Variants in TSPAN1 observed in about 807,000 individuals in gnomAD.
TSPAN1 encodes tetraspanin-1.
TSPAN1 carries 23 observed loss-of-function variants against 26.9 expected under a neutral mutation model. The observed-to-expected ratio is 0.85, with a 90% confidence interval of 0.62 to 1.21. The LOEUF is 1.21. Among genes scored for constraint, TSPAN1 ranks in the 50% most tolerant of loss-of-function variants. The pLI is 0.00. For missense variants in TSPAN1, 283 were observed against 298.4 expected (o/e 0.95, Z 0.38); for synonymous variants, 115 against 114.8 (o/e 1.00, Z -0.01).
downstream of TSPAN1, chr1:46,189,424 C>T (rs1431158052): frequency 1.2e-6 from 2 of 1,613,618 alleles, no homozygotes; most frequent in South Asian, 2.2e-5. Flanking sequence ...CTCACTAGGC[C>T]TCCTGTTTCC....
At chr1:46,195,640 G>C in the TSPAN1 span, 1 of 719,516 alleles carries the variant, frequency 1.4e-6, no homozygotes. Flanking sequence ...TACAGCTGTT[G>C]CTCAATAACT....
At chr1:46,176,483 G>A (rs1557662910) in intron 1 of TSPAN1, 1 of 1,535,320 alleles carries the variant, frequency 6.5e-7, no homozygotes, top group Admixed American at 2.0e-5. Context: ...GGCACAGGGA[G>A]CTTCTGCAGT....
chr1:46,193,437 C>T, the TSPAN1 span: 1 of 1,604,868 alleles, frequency 6.2e-7, no homozygotes, highest in Non-Finnish European at 8.5e-7. Context: ...TTCCCTCTGC[C>T]CACCTCTGCA....
chr1:46,191,867 C>T, the TSPAN1 span: 1 of 512,536 alleles, frequency 2.0e-6, no homozygotes, highest in Admixed American at 2.9e-5. Context: ...ATCTCCTGAC[C>T]TTGTGATCCA....
At chr1:46,184,100 GT>G (rs898048569) in intron 3 of TSPAN1, 90 bp from the exon 4 acceptor site, 9 of 1,397,152 alleles carry the variant, frequency 6.4e-6, no homozygotes, top group African/African-American at 2.8e-5. Context: ...AAAGAGGGAA[GT>G]TTCTCGGCTC....
chr1:46,193,717 G>C, the TSPAN1 span: 2 of 1,605,852 alleles, frequency 1.2e-6, no homozygotes, highest in African/African-American at 2.7e-5. Context: ...GCTGGGCCCA[G>C]AGTCCCTATG....
chr1:46,189,885 T>A (rs1410679493), downstream of TSPAN1: 1 of 1,613,968 alleles, frequency 6.2e-7, no homozygotes, highest in Admixed American at 1.7e-5. Context: ...GGTGAAGTCA[T>A]CATCTTTCTC....
the TSPAN1 span, chr1:46,193,426 T>C: frequency 2.5e-6 from 4 of 1,606,408 alleles, no homozygotes; most frequent in East Asian, 4.5e-5. Context: ...GTGAGGTCAC[T>C]TTCCCTCTGC....
the TSPAN1 span, chr1:46,193,381 A>G: frequency 1.2e-6 from 2 of 1,612,530 alleles, no homozygotes; most frequent in South Asian, 1.1e-5. Context: ...CACCACATCC[A>G]TGGGTTCCTG....
At chr1:46,178,750 TGGTGC>T (rs1005327241) in intron 1 of TSPAN1, among the ~76,000 whole-genome samples, 1 of 152,200 alleles carries the variant, frequency 6.6e-6, no homozygotes, top group African/African-American at 2.4e-5. Flanking sequence ...ATGTAGACTC[TGGTGC>T]CAGACTAACT....
chr1:46,175,992 C>T, intron 1 of TSPAN1: 1 of 545,226 alleles, frequency 1.8e-6, no homozygotes, highest in Non-Finnish European at 3.3e-6. Flanking sequence ...CCTGCCTCAG[C>T]CTCCCAAGTA....
downstream of TSPAN1, among the ~76,000 whole-genome samples, chr1:46,186,468 ACC>A (rs1311589738): frequency 7.1e-6 from 1 of 141,086 alleles, no homozygotes; most frequent in African/African-American, 2.6e-5. Flanking sequence ...TTCAGACCTC[ACC>A]TCTTTTTCTT....
intron 1 of TSPAN1, chr1:46,176,241 G>T: frequency 6.5e-7 from 1 of 1,535,734 alleles, no homozygotes; most frequent in South Asian, 1.2e-5. Context: ...GAGGTGGGAA[G>T]ATCCACACTA....
the TSPAN1 span, chr1:46,194,357 G>A: frequency 1.3e-4 from 217 of 1,614,242 alleles, 1 homozygote; most frequent in East Asian, 2.5e-3. Context: ...CAGAAGCGCC[G>A]GCGGCGACGG....
chr1:46,179,689 T>C (rs941348743), intron 1 of TSPAN1, among the ~76,000 whole-genome samples: 1 of 152,042 alleles, frequency 6.6e-6, no homozygotes, highest in Non-Finnish European at 1.5e-5. Context: ...GCCTTGGAAC[T>C]GGGGGTGGCT....
chr1:46,193,787 C>T, the TSPAN1 span: 15 of 1,605,628 alleles, frequency 9.3e-6, no homozygotes, highest in South Asian at 1.3e-4. Flanking sequence ...CTCAAGAGTT[C>T]CTCCTGGAGG....
At chr1:46,188,948 C>CA, downstream of TSPAN1, 7 of 1,612,720 alleles carry the variant, frequency 4.3e-6, no homozygotes, top group Non-Finnish European at 5.9e-6. Context: ...GCCCTCAGGA[C>CA]AGTCAATAAA....
In TSPAN1 at chr1:46,185,590, T is replaced by C. The variant is rs1444269612; in HGVS notation, c.*57T>C. On this transcript the variant is annotated 3_prime_UTR_variant, in exon 9 of 9. Transcript: ENST00000372003. ...ACATGGGAACTGTGAAGAGGCACCC[T>C]GGCAAGCAGCAGTGATTGGGGGAGG... is the stretch of plus-strand genomic sequence containing the variant. 3.8e-6 allele frequency: 6 copies of C among 1,587,086 alleles called. No individual in the cohort carries two copies. The highest frequency in any genetic ancestry group is 4.3e-6 in the Non-Finnish European group (5 of 1,156,984).
At position 46,185,864 on chromosome 1, in the gene TSPAN1, AAG is replaced by A; in HGVS notation, c.*332_*333del. 2.7e-6 allele frequency: 1 copy of A among 376,374 alleles called. No homozygotes were observed. The highest frequency in any genetic ancestry group is 4.8e-6 in the Non-Finnish European group (1 of 206,576). The allele number at this position is 376,374 out of a possible 1,614,324, so 23.3% of individuals were successfully genotyped here. On this transcript the variant is annotated 3_prime_UTR_variant, in exon 9 of 9. Coordinates refer to ENST00000372003, the MANE Select transcript of TSPAN1 (RefSeq NM_005727.4). ...CAGTGCTCTACTGGGGGATGAGAGA[AAG>A]GCATTTTATAGCCTGGGCATAAGTG...
Sources: gnomAD v4.1 joint callset for allele counts (sites outside exome capture counted in the v4.1 genomes callset) on GRCh38, gnomAD v4.1.1 for gene constraint, MANE v1.5 for transcripts, NCBI Gene and HGNC (gene_info 2026-07-23, HGNC 2026-07-21) for gene names.